KCTD20: variants seen among roughly 807,000 people sequenced by gnomAD.
KCTD20 encodes BTB/POZ domain-containing protein KCTD20.
A neutral mutation model predicts 39.6 loss-of-function variants in KCTD20; 30 were observed. The observed-to-expected ratio is 0.76, with a 90% CI of 0.57 to 1.03. The LOEUF (loss-of-function observed/expected upper bound fraction) is 1.03, where lower values mean the gene tolerates loss of function less well. Among genes scored for constraint, KCTD20 ranks in the 50% least tolerant of loss-of-function variants. KCTD20 has a pLI of 0.00. For synonymous variants in KCTD20, 162 were observed against 180.6 expected (o/e 0.90, Z 0.83); for missense variants, 422 against 522.0 (o/e 0.81, Z 1.87).
intron 1 of KCTD20, among the ~76,000 whole-genome samples, chr6:36,454,607 G>A (rs961614756): frequency 6.6e-6 from 1 of 151,262 alleles, no homozygotes; most frequent in South Asian, 2.1e-4. Context: ...CTCCCAAAGT[G>A]CTGGGATTAC....
At chr6:36,472,832 A>G (rs555589006) in intron 2 of KCTD20, among the ~76,000 whole-genome samples, 1 of 152,176 alleles carries the variant, frequency 6.6e-6, no homozygotes, top group African/African-American at 2.4e-5. Flanking sequence ...TGTCTTCTAT[A>G]TACATCCAGA....
intron 2 of KCTD20, 122 bp from the exon 3 acceptor site, chr6:36,474,667 C>A: frequency 1.2e-6 from 1 of 861,436 alleles, no homozygotes. Flanking sequence ...TTTTTTTTGC[C>A]TGTGAACATC....
chr6:36,469,647 G>A lies in KCTD20; in HGVS notation c.-46-405G>A, dbSNP rs574851908. 3.9e-5 allele frequency among the ~76,000 whole-genome samples: 6 copies of A among 152,224 alleles called. No individual in the cohort carries two copies. The highest frequency in any genetic ancestry group is 5.9e-5 in the Non-Finnish European group (4 of 68,012). On this transcript the variant is annotated intron_variant, in intron 1 of 7. Coordinates refer to ENST00000373731, the MANE Select transcript of KCTD20 (RefSeq NM_173562.5). The surrounding 1 kb of genome is among the most constrained non-coding windows in gnomAD (Gnocchi z 4.6). The stretch of plus-strand genomic sequence containing the variant: ...TTTAATTTCCTGGTGCTTAATTGTT[G>A]CAACAGTGTATGTGTCAATTTTAAA...
At chr6:36,447,870 A>T (rs1234551431) in intron 1 of KCTD20, among the ~76,000 whole-genome samples, 1 of 151,426 alleles carries the variant, frequency 6.6e-6, no homozygotes, top group Non-Finnish European at 1.5e-5. Flanking sequence ...GTGCGCCTTT[A>T]ATCCTAGCTA....
intron 1 of KCTD20, among the ~76,000 whole-genome samples, chr6:36,446,176 G>A (rs1043136933): frequency 2.6e-5 from 4 of 151,738 alleles, no homozygotes; most frequent in Non-Finnish European, 5.9e-5. Context: ...ACAGGCGCCC[G>A]CTACCATGCC....
At chr6:36,472,241 G>T (rs1309010500) in intron 2 of KCTD20, among the ~76,000 whole-genome samples, 3 of 152,206 alleles carry the variant, frequency 2.0e-5, no homozygotes, top group Admixed American at 6.5e-5. Flanking sequence ...CCTGGTGATT[G>T]CCTGTGAGTT....
chr6:36,458,206 C>T (rs1056633130), intron 1 of KCTD20, among the ~76,000 whole-genome samples: 2 of 152,088 alleles, frequency 1.3e-5, no homozygotes, highest in Non-Finnish European at 2.9e-5. Flanking sequence ...GCATGAGCCA[C>T]CATGGCCAGC....
rs1776540730 is a variant in KCTD20 at position 36,490,120 on chromosome 6, A to G, written c.*2945A>G. ...CCCAGGAAGGTTAGATGTGTTTGCAAATAAGTTGCCCAAAGGGTCCCCCTC... is the reference window on the plus strand; with the variant it reads ...CCCAGGAAGGTTAGATGTGTTTGCAGATAAGTTGCCCAAAGGGTCCCCCTC... On this transcript the variant is annotated 3_prime_UTR_variant, in exon 8 of 8. Transcript: ENST00000373731. 1 of 152,240 alleles carries G rather than the reference A, an allele frequency of 6.6e-6. No homozygotes were observed. The highest frequency in any genetic ancestry group is 1.5e-5 in the Non-Finnish European group (1 of 68,050). The allele number at this position is 152,240 out of a possible 1,614,324, so 9.4% of individuals were successfully genotyped here.
chr6:36,446,253 C>A (rs549329536), intron 1 of KCTD20, among the ~76,000 whole-genome samples: 5 of 152,100 alleles, frequency 3.3e-5, no homozygotes, highest in Non-Finnish European at 5.9e-5. Flanking sequence ...GTCTCGAACT[C>A]CTGACCTCAG....
At chr6:36,483,297 C>T (rs1473236732) in intron 6 of KCTD20, among the ~76,000 whole-genome samples, 2 of 138,928 alleles carry the variant, frequency 1.4e-5, no homozygotes, top group Admixed American at 8.0e-5. Context: ...AGACAGAGTC[C>T]CACCTCCTGG....
At chr6:36,481,805 C>A in intron 6 of KCTD20, 46 bp downstream of exon 6, 1 of 1,533,814 alleles carries the variant, frequency 6.5e-7, no homozygotes, top group Admixed American at 1.7e-5. Flanking sequence ...AAGAAACTTG[C>A]TACCTGGAGT....
chr6:36,473,066 A>AT (rs147838259), intron 2 of KCTD20, among the ~76,000 whole-genome samples: 3,621 of 141,162 alleles, frequency 0.026, 66 homozygotes, highest in Middle Eastern at 0.048. Flanking sequence ...CTTCTGGCTA[A>AT]TTTTTTTTTT....
intron 1 of KCTD20, among the ~76,000 whole-genome samples, chr6:36,459,205 G>A (rs1356742588): frequency 1.3e-5 from 2 of 152,050 alleles, no homozygotes; most frequent in East Asian, 1.9e-4. Context: ...CCAGCTACTC[G>A]GGAGGCTGAG....
intron 1 of KCTD20, among the ~76,000 whole-genome samples, chr6:36,451,866 A>C (rs776502374): frequency 4.6e-5 from 7 of 152,190 alleles, no homozygotes; most frequent in Non-Finnish European, 8.8e-5. Flanking sequence ...CAGGCAGTGC[A>C]GTAGTGCAGT....
chr6:36,464,912 C>A (rs1240117524), intron 1 of KCTD20, among the ~76,000 whole-genome samples: 1 of 152,028 alleles, frequency 6.6e-6, no homozygotes, highest in Non-Finnish European at 1.5e-5. Context: ...TCTGTGGCAT[C>A]CTACTTCATT....
chr6:36,468,435 A>C (rs1250015049), intron 1 of KCTD20, among the ~76,000 whole-genome samples: 2 of 152,232 alleles, frequency 1.3e-5, no homozygotes, highest in African/African-American at 2.4e-5. Context: ...GATCTTTTCG[A>C]GTGCAACAAA....
chr6:36,468,799 A>G (rs1259584490), intron 1 of KCTD20, among the ~76,000 whole-genome samples: 1 of 152,236 alleles, frequency 6.6e-6, no homozygotes, highest in East Asian at 1.9e-4. Flanking sequence ...TTTGCTTAAT[A>G]AGAGCCATTG....
At chr6:36,477,280 C>A (rs543589610) in intron 3 of KCTD20, among the ~76,000 whole-genome samples, 1 of 152,224 alleles carries the variant, frequency 6.6e-6, no homozygotes, top group Admixed American at 6.5e-5. Flanking sequence ...TAACTCTGAG[C>A]TGAAGTCCAG....
At chr6:36,471,923 A>C (rs1775921934) in intron 2 of KCTD20, among the ~76,000 whole-genome samples, 2 of 148,118 alleles carry the variant, frequency 1.4e-5, no homozygotes, top group Admixed American at 1.4e-4. Flanking sequence ...ATCTCGGCTC[A>C]CTGCAAGCTC....
Sources: allele counts gnomAD v4.1 joint callset (sites outside exome capture counted in the v4.1 genomes callset), GRCh38; gene constraint gnomAD v4.1.1; non-coding constraint Gnocchi (gnomAD v3.1); transcripts MANE v1.5; gene names NCBI Gene and HGNC (gene_info 2026-07-23, HGNC 2026-07-21).